The following WBP4 variants were observed in gnomAD, a reference collection of about 807,000 sequenced individuals.
The protein encoded by WBP4 is WW domain binding protein 4, also known as WW domain-binding protein 4.
In WBP4, 37 loss-of-function variants were observed where a neutral mutation model predicts 55.4. That is an observed-to-expected ratio of 0.67 (90% CI 0.51 to 0.88). WBP4 has a LOEUF of 0.88. WBP4 is among the 40% of genes least tolerant of loss of function. The pLI is 0.00. For missense variants in WBP4, 398 were observed against 420.8 expected, an observed-to-expected ratio of 0.95 and a Z score of 0.47; for synonymous variants, 142 against 140.2, an observed-to-expected ratio of 1.01 and a Z score of -0.09.
chr13:41,072,067 A>G (rs965122351), intron 6 of WBP4, among the ~76,000 whole-genome samples: 10 of 149,710 alleles, frequency 6.7e-5, no homozygotes, highest in Non-Finnish European at 1.3e-4. Flanking sequence ...AAAAAAAAAA[A>G]GTACTGATAT....
rs549166358 is a variant in WBP4, at chr13:41,061,517, G to A, written c.-157G>A. The A allele has an allele frequency of 5.9e-6, 7 of 1,184,532 alleles. No homozygotes were observed. In the Admixed American group the frequency reaches 6.1e-5, roughly 10 times the overall value. The allele number at this position is 1,184,532 out of a possible 1,614,324, so 73.4% of individuals were successfully genotyped here. ...GGATCGTCTGGGCACCCGTAGTTGG[G>A]AACAGCGGAACGCTGGTCCCGGGGA... On this transcript the variant is annotated 5_prime_UTR_variant, in exon 1 of 10. Coordinates refer to ENST00000379487, the MANE Select transcript of WBP4 (RefSeq NM_007187.5).
chr13:41,062,560 C>T (rs1039486720), intron 1 of WBP4, 84 bp from the exon 2 acceptor site: 2 of 1,292,954 alleles, frequency 1.5e-6, no homozygotes, highest in African/African-American at 1.5e-5. Context: ...GCATATATTT[C>T]AAACTTTAAA....
intron 4 of WBP4, 47 bp downstream of exon 4, chr13:41,065,334 A>G (rs1000903667): frequency 6.5e-7 from 1 of 1,528,282 alleles, no homozygotes. Flanking sequence ...TTTAAAAGTA[A>G]CATCAGAGGT....
intron 4 of WBP4, 59 bp downstream of exon 4, chr13:41,065,346 A>G: frequency 6.7e-7 from 1 of 1,503,096 alleles, no homozygotes; most frequent in South Asian, 1.3e-5. Flanking sequence ...ATCAGAGGTC[A>G]AGCTAAGTAA....
At chr13:41,077,719 C>G (rs1230463552) in intron 8 of WBP4, among the ~76,000 whole-genome samples, 1 of 152,114 alleles carries the variant, frequency 6.6e-6, no homozygotes, top group African/African-American at 2.4e-5. Context: ...ATTAAATGAT[C>G]TTACTACCTA....
intron 5 of WBP4, among the ~76,000 whole-genome samples, chr13:41,071,204 C>G (rs889287180): frequency 3.9e-5 from 6 of 152,166 alleles, no homozygotes; most frequent in African/African-American, 1.4e-4. Context: ...CTCCCTTGCC[C>G]CAAGATATCA....
chr13:41,075,493 C>T (rs181559213), intron 7 of WBP4, among the ~76,000 whole-genome samples: 423 of 152,208 alleles, frequency 2.8e-3, no homozygotes, highest in Non-Finnish European at 5.3e-3. Flanking sequence ...GCAGTCTTCC[C>T]GCCTCAGCCT....
chr13:41,071,677 A>G (rs1371424736), intron 6 of WBP4, 104 bp downstream of exon 6: 3 of 1,000,084 alleles, frequency 3.0e-6, no homozygotes, highest in Non-Finnish European at 1.5e-6. Context: ...CAAATACTCC[A>G]CTCCCTCCAC....
At chr13:41,061,958 C>G (rs1289206741) in intron 1 of WBP4, among the ~76,000 whole-genome samples, 1 of 152,072 alleles carries the variant, frequency 6.6e-6, no homozygotes, top group Non-Finnish European at 1.5e-5. Flanking sequence ...CGACGCAGTG[C>G]TCTCTCTACG....
Position 41,061,615 on chromosome 13 carries a change from C to G in WBP4, c.-59C>G, listed in dbSNP as rs1877640127. On this transcript the variant is annotated 5_prime_UTR_variant, in exon 1 of 10. Coordinates refer to ENST00000379487, the MANE Select transcript of WBP4 (RefSeq NM_007187.5). ...GGCTGGAAGAGCTCGACTCGTCCCG[C>G]TGGGAAAGCGCGAGTCTGAGTGGAA... is the stretch of plus-strand genomic sequence containing the variant. 1.2e-6 allele frequency: 2 copies of G among 1,613,880 alleles called. No individual in the cohort carries two copies. The highest frequency in any genetic ancestry group is 4.5e-5 in the East Asian group (2 of 44,866).
chr13:41,075,970 A>G (rs533286960), intron 7 of WBP4, 74 bp from the exon 8 acceptor site: 3 of 1,439,334 alleles, frequency 2.1e-6, no homozygotes, highest in South Asian at 2.4e-5. Context: ...ATTGTAAGTG[A>G]TAAATGTTAT....
At chr13:41,082,033 T>C (rs1292165481) in intron 9 of WBP4, among the ~76,000 whole-genome samples, 1 of 152,176 alleles carries the variant, frequency 6.6e-6, no homozygotes, top group Non-Finnish European at 1.5e-5. Context: ...GGTACTGTGA[T>C]AGGCTCTTTT....
At chr13:41,082,613 T>G in intron 9 of WBP4, 91 bp from the exon 10 acceptor site, 1 of 1,185,338 alleles carries the variant, frequency 8.4e-7, no homozygotes, top group East Asian at 2.4e-5. Flanking sequence ...CAACTTCTAA[T>G]GTCATTAGAA....
At chr13:41,080,935 C>T (rs1384832417) in intron 9 of WBP4, 126 bp downstream of exon 9, 1 of 1,034,636 alleles carries the variant, frequency 9.7e-7, no homozygotes, top group Non-Finnish European at 1.4e-6. Flanking sequence ...AGGCCAGATG[C>T]ACCCCTGTAA....
chr13:41,078,704 G>A (rs771030541), intron 8 of WBP4, among the ~76,000 whole-genome samples: 1 of 152,156 alleles, frequency 6.6e-6, no homozygotes, highest in Admixed American at 6.5e-5. Flanking sequence ...GCGCATGCCT[G>A]TAATCCCAGC....
chr13:41,082,238 G>A lies in WBP4; in HGVS notation c.921-466G>A, dbSNP rs578032603. Among the ~76,000 whole-genome samples, 6 of 152,148 alleles carry A rather than the reference G, an allele frequency of 3.9e-5. No individual in the cohort carries two copies. The South Asian group carries it at 8.3e-4, about 21-fold the overall frequency. On this transcript the variant is annotated intron_variant, in intron 9 of 9. Coordinates refer to ENST00000379487, the MANE Select transcript of WBP4 (RefSeq NM_007187.5). ...AGTGATCCTCTCACCTCAGCCTCTC[G>A]AGTAGCTGGGACTGTAGGCACATGA...
intron 7 of WBP4, among the ~76,000 whole-genome samples, chr13:41,074,424 G>A (rs1257446203): frequency 6.6e-6 from 1 of 151,962 alleles, no homozygotes; most frequent in Non-Finnish European, 1.5e-5. Flanking sequence ...TAGATATTTA[G>A]CCTGCCCAGT....
intron 8 of WBP4, 66 bp from the exon 9 acceptor site, chr13:41,080,580 T>G: frequency 7.8e-7 from 1 of 1,282,340 alleles, no homozygotes; most frequent in Non-Finnish European, 1.1e-6. Flanking sequence ...TTTAAAAGCC[T>G]TAAATTTTAT....
intron 8 of WBP4, among the ~76,000 whole-genome samples, chr13:41,077,759 C>T (rs986092948): frequency 1.3e-5 from 2 of 152,136 alleles, no homozygotes; most frequent in African/African-American, 4.8e-5. Context: ...CCAAAACACA[C>T]GTGGATTTGA....
Sources: gnomAD v4.1 joint callset for allele counts (sites outside exome capture counted in the v4.1 genomes callset) on GRCh38, gnomAD v4.1.1 for gene constraint, MANE v1.5 for transcripts, NCBI Gene and HGNC (gene_info 2026-07-23, HGNC 2026-07-21) for gene names.